The following CENPI variants were observed in gnomAD, a reference collection of about 807,000 sequenced individuals.
CENPI encodes the protein centromere protein I, also known as FSH primary response 1.
In CENPI, 4 loss-of-function variants were observed where a neutral mutation model predicts 60.4. The observed-to-expected ratio is 0.07, with a 90% CI of 0.03 to 0.15. The LOEUF is 0.15. Among genes scored for constraint, CENPI ranks in the 10% least tolerant of loss-of-function variants. The pLI is 1.00. For missense variants in CENPI, 444 were observed against 534.5 expected (o/e 0.83, Z 1.67); for synonymous variants, 157 against 189.4 (o/e 0.83, Z 1.40).
intron 17 of CENPI, among the ~76,000 whole-genome samples, chrX:101,145,730 A>C (rs1004322016): frequency 8.2e-5 from 9 of 109,195 alleles, no homozygotes. Context: ...TATCCATTAT[A>C]GTCTCACTTT....
intron 6 of CENPI, among the ~76,000 whole-genome samples, chrX:101,112,115 G>A (rs66486509): frequency 0.28 from 31,069 of 111,058 alleles, 3,355 homozygotes; most frequent in African/African-American, 0.36. Flanking sequence ...GAACAAAACA[G>A]TCCTGTTATT....
rs2090143070 is a variant in CENPI at position 101,166,111 on chromosome X, C to G, written c.*3144C>G. On this transcript the variant is annotated 3_prime_UTR_variant, in exon 22 of 22. Coordinates refer to ENST00000682095, the MANE Select transcript of CENPI (RefSeq NM_001386188.2). ...CTTTTTTTGCCCCACAAATAAAATA[C>G]TTAGACATACCTGGATACCTTTTTT... Among the ~76,000 whole-genome samples, 1 of 111,516 alleles carries G rather than the reference C, an allele frequency of 9.0e-6. No individual in the cohort carries two copies. The highest frequency in any genetic ancestry group is 3.2e-5 in the African/African-American group (1 of 30,844).
intron 3 of CENPI, 111 bp downstream of exon 3, chrX:101,101,407 G>T: frequency 5.5e-6 from 3 of 543,526 alleles, no homozygotes; most frequent in Non-Finnish European, 8.9e-6. Context: ...TCATGCTTTT[G>T]TTTATTTAAT....
At chrX:101,177,356 G>C in the CENPI span, among the ~76,000 whole-genome samples, 1 of 111,641 alleles carries the variant, frequency 9.0e-6, no homozygotes, top group African/African-American at 3.3e-5. Context: ...TGCAGTGGCA[G>C]GTTGGGTGGG....
intron 4 of CENPI, among the ~76,000 whole-genome samples, chrX:101,107,762 G>A (rs147118111): frequency 2.6e-4 from 28 of 109,478 alleles, no homozygotes; most frequent in Middle Eastern, 9.4e-3. Flanking sequence ...TCTGCCTCCC[G>A]GGTTCCAGTG....
chrX:101,115,835 A>G (rs2089616468), intron 6 of CENPI, among the ~76,000 whole-genome samples: 1 of 111,876 alleles, frequency 8.9e-6, no homozygotes, highest in Non-Finnish European at 1.9e-5. Context: ...TGCTCCTGGT[A>G]GCCTCTAATC....
chrX:101,178,874 A>G, the CENPI span, among the ~76,000 whole-genome samples: 1 of 112,026 alleles, frequency 8.9e-6, no homozygotes, highest in Admixed American at 9.5e-5. Flanking sequence ...TTATTCTATC[A>G]CCAATAGATT....
intron 4 of CENPI, among the ~76,000 whole-genome samples, chrX:101,103,088 G>C (rs1316908105): frequency 9.4e-6 from 1 of 105,887 alleles, no homozygotes. Flanking sequence ...TCCACTTTCC[G>C]GGTTCAAGCA....
chrX:101,173,055 TGC>T, the CENPI span, among the ~76,000 whole-genome samples: 1 of 95,286 alleles, frequency 1.0e-5, no homozygotes, highest in Non-Finnish European at 2.1e-5. Flanking sequence ...CTTGCTCTGT[TGC>T]CAGGCTGGAG....
At chrX:101,158,568 C>T in intron 20 of CENPI, among the ~76,000 whole-genome samples, 1 of 106,712 alleles carries the variant, frequency 9.4e-6, no homozygotes, top group South Asian at 4.2e-4. Context: ...TGAGCTACTG[C>T]GCCTGGCTGG....
At chrX:101,179,506 G>A in the CENPI span, among the ~76,000 whole-genome samples, 1 of 110,706 alleles carries the variant, frequency 9.0e-6, no homozygotes, top group Non-Finnish European at 1.9e-5. Context: ...TTATTTGAAC[G>A]CCTGTTTTTC....
intron 8 of CENPI, among the ~76,000 whole-genome samples, chrX:101,125,919 C>A (rs2148186885): frequency 8.9e-6 from 1 of 111,975 alleles, no homozygotes; most frequent in South Asian, 3.7e-4. Context: ...AACAAACACT[C>A]TGATACTCAT....
intron 21 of CENPI, 123 bp downstream of exon 21, chrX:101,161,692 G>T: frequency 1.7e-6 from 1 of 583,911 alleles, no homozygotes; most frequent in Non-Finnish European, 2.8e-6. Context: ...AAAATGAAGT[G>T]TTTGCCTTCC....
the CENPI span, among the ~76,000 whole-genome samples, chrX:101,175,285 A>G: frequency 8.0e-5 from 9 of 112,065 alleles, no homozygotes; most frequent in Non-Finnish European, 7.5e-5. Flanking sequence ...TACTCTGTTG[A>G]TTGTTTCCTT....
intron 8 of CENPI, 92 bp downstream of exon 8, chrX:101,120,876 C>CT (rs368295326): frequency 0.028 from 13,520 of 479,541 alleles, no homozygotes; most frequent in Non-Finnish European, 0.031. Context: ...AACTCTTGAT[C>CT]TTTTTTTTTT....
At chrX:101,129,235 A>G (rs1411876587) in intron 12 of CENPI, among the ~76,000 whole-genome samples, 3 of 111,665 alleles carry the variant, frequency 2.7e-5, no homozygotes, top group Non-Finnish European at 3.8e-5. Context: ...AAATGCTCAT[A>G]TCTGCCAACT....
chrX:101,133,609 A>G (rs1019171629), intron 15 of CENPI, among the ~76,000 whole-genome samples: 1 of 110,516 alleles, frequency 9.0e-6, no homozygotes, highest in Non-Finnish European at 1.9e-5. Flanking sequence ...GGGAATGCAC[A>G]GTATTTAATT....
intron 17 of CENPI, 119 bp downstream of exon 17, chrX:101,145,318 A>G: frequency 1.8e-6 from 1 of 557,707 alleles, no homozygotes; most frequent in Non-Finnish European, 2.9e-6. Context: ...TAGCATCATT[A>G]AAATAACCTC....
chrX:101,158,632 CT>C (rs762674216), intron 20 of CENPI, among the ~76,000 whole-genome samples: 1,191 of 88,162 alleles, frequency 0.014, 21 homozygotes, highest in African/African-American at 0.04. Flanking sequence ...ATAGAGATCA[CT>C]TTTTTTTTTT....
Sources: gnomAD v4.1 joint callset for allele counts (sites outside exome capture counted in the v4.1 genomes callset) on GRCh38, gnomAD v4.1.1 for gene constraint, MANE v1.5 for transcripts, NCBI Gene and HGNC (gene_info 2026-07-23, HGNC 2026-07-21) for gene names.